Variants in ST6GAL2 observed in about 807,000 individuals in gnomAD.
ST6GAL2 encodes the protein ST6 beta-galactoside alpha-2,6-sialyltransferase 2.
In ST6GAL2, 24 loss-of-function variants were observed where a neutral mutation model predicts 37.5. The ratio of observed to expected loss-of-function variants is 0.64; its 90% CI spans 0.46 to 0.90. The LOEUF (loss-of-function observed/expected upper bound fraction) is 0.90. Ranked by LOEUF, ST6GAL2 falls within the 40% of genes least tolerant of loss-of-function variation. The pLI, the probability that ST6GAL2 is intolerant of heterozygous loss-of-function variation, is 0.00. For synonymous variants in ST6GAL2, 306 were observed against 295.1 expected, an observed-to-expected ratio of 1.04 and a Z score of -0.38; for missense variants, 715 against 712.7, an observed-to-expected ratio of 1.00 and a Z score of -0.04.
chr2:106,825,767 C>T (rs186417319), intron 5 of ST6GAL2, among the ~76,000 whole-genome samples: 9 of 152,278 alleles, frequency 5.9e-5, no homozygotes, highest in African/African-American at 1.9e-4. Context: ...TTATGTCTGT[C>T]CTGCAAATTT....
chr2:106,865,839 C>G (rs560640812), intron 1 of ST6GAL2, among the ~76,000 whole-genome samples: 1 of 152,166 alleles, frequency 6.6e-6, no homozygotes. Flanking sequence ...AGCCTTTTGG[C>G]TACTATGTTT....
chr2:106,859,993 C>T (rs1677734144), intron 1 of ST6GAL2, among the ~76,000 whole-genome samples: 1 of 152,090 alleles, frequency 6.6e-6, no homozygotes, highest in African/African-American at 2.4e-5. Flanking sequence ...CCTTGCTGCC[C>T]CTGAGTCAGC....
chr2:106,846,140 T>C (rs1288444590), intron 1 of ST6GAL2, among the ~76,000 whole-genome samples: 8 of 152,160 alleles, frequency 5.3e-5, no homozygotes, highest in African/African-American at 1.9e-4. Flanking sequence ...TGACTCCATC[T>C]CCAGCCAACA....
chr2:106,837,591 C>T (rs1288418771), intron 2 of ST6GAL2, among the ~76,000 whole-genome samples: 2 of 152,174 alleles, frequency 1.3e-5, no homozygotes, highest in Non-Finnish European at 1.5e-5. Flanking sequence ...GAGGTGACTG[C>T]AGGTGCTGGG....
At chr2:106,816,577 T>A (rs78268786) in intron 5 of ST6GAL2, among the ~76,000 whole-genome samples, 246 of 152,246 alleles carry the variant, frequency 1.6e-3, no homozygotes, top group African/African-American at 5.8e-3. Context: ...GAAAACAAGA[T>A]TTAAAAATAT....
intron 1 of ST6GAL2, among the ~76,000 whole-genome samples, chr2:106,879,212 G>A (rs149298263): frequency 6.6e-6 from 1 of 152,288 alleles, no homozygotes; most frequent in East Asian, 1.9e-4. Flanking sequence ...TTCTGTGTAT[G>A]TATCCAATGG....
intron 1 of ST6GAL2, among the ~76,000 whole-genome samples, chr2:106,866,647 A>G (rs4319925): frequency 6.6e-6 from 1 of 152,138 alleles, no homozygotes; most frequent in Admixed American, 6.6e-5. Context: ...AAGAAACACA[A>G]CCGACCAAGG....
At chr2:106,836,541 A>C (rs187440693) in intron 2 of ST6GAL2, among the ~76,000 whole-genome samples, 60 of 152,164 alleles carry the variant, frequency 3.9e-4, no homozygotes, top group South Asian at 3.5e-3. Context: ...TGATCAGCTG[A>C]AAACTATCAG....
chr2:106,879,761 G>C (rs1480306667), intron 1 of ST6GAL2, among the ~76,000 whole-genome samples: 1 of 145,838 alleles, frequency 6.9e-6, no homozygotes, highest in Non-Finnish European at 1.5e-5. Flanking sequence ...TATACATATA[G>C]ACCAACTATA....
intron 5 of ST6GAL2, among the ~76,000 whole-genome samples, chr2:106,829,128 G>A (rs1485263814): frequency 6.6e-6 from 1 of 152,190 alleles, no homozygotes; most frequent in Non-Finnish European, 1.5e-5. Flanking sequence ...CATGGCATAA[G>A]CTATGTGAAC....
rs549410674 is a variant in ST6GAL2 at position 106,805,330 on chromosome 2, G to A, written c.*1348C>T. The A allele has an allele frequency of 8.5e-5, 13 of 152,172 alleles. No homozygotes were observed. Among genetic ancestry groups the A allele is most frequent in the Non-Finnish European group, 1.9e-4 (13 of 68,030 alleles). 9.4% of individuals were successfully genotyped at this position (152,172 alleles called of 1,614,324 possible). A position where few individuals can be genotyped will look rare whatever the true frequency, so the allele number is the denominator to read the frequency against. On this transcript the variant is annotated 3_prime_UTR_variant, in exon 6 of 6. Transcript: ENST00000409382. ...TGAAATAATAGCATGTTTAATTAAG[G>A]TATTACAGAATGTTTCTGTTTCACT...
In ST6GAL2 at chr2:106,802,636, A is replaced by G. The variant is rs1253612122; in HGVS notation, c.*4042T>C. 2 of 152,226 alleles carry G rather than the reference A, an allele frequency of 1.3e-5. No individual in the cohort carries two copies. The highest frequency in any genetic ancestry group is 2.9e-5 in the Non-Finnish European group (2 of 68,040). The allele number at this position is 152,226 out of a possible 1,614,324, so 9.4% of individuals were successfully genotyped here. On this transcript the variant is annotated 3_prime_UTR_variant, in exon 6 of 6. Transcript: ENST00000409382. ...ACAAGTTGAAACTCAGGGACATTTTACCCAAGCAATTAATTTCCAGATGGA... is the reference window on the plus strand; with the variant it reads ...ACAAGTTGAAACTCAGGGACATTTTGCCCAAGCAATTAATTTCCAGATGGA...
Position 106,843,887 on chromosome 2 carries a change from T to C in ST6GAL2, c.91A>G (p.Thr31Ala), listed in dbSNP as rs760357607. The C allele has an allele frequency of 5.0e-6, 8 of 1,606,198 alleles. No individual in the cohort carries two copies. The highest frequency in any genetic ancestry group is 6.8e-6 in the Non-Finnish European group (8 of 1,179,194). The change falls in exon 2 of 6, where the codon ACC becomes GCC. Residue 31 changes from threonine to alanine, a missense_variant. By Grantham distance (58) the Thr-to-Ala change is moderately conservative. This residue lies in a region of ST6GAL2 where 512 missense variants were observed against 488.8 expected (regional missense o/e 1.05). Coordinates refer to ENST00000409382, the MANE Select transcript of ST6GAL2 (RefSeq NM_001142351.2). ...LLFLLIFIYF[T>A]DSNPAEPVPS... ...ACAGGCTCAGCGGGGTTGCTGTCGG[T>C]GAAGTAGATGAAAATCAGCAAAAAG...
intron 1 of ST6GAL2, among the ~76,000 whole-genome samples, chr2:106,854,734 A>G (rs184005165): frequency 8.7e-4 from 133 of 152,254 alleles, no homozygotes; most frequent in African/African-American, 3.1e-3. Flanking sequence ...CTGCCTAAAT[A>G]GTTGTGACTG....
rs899492241 is a variant in ST6GAL2, at chr2:106,806,483, A to T, written c.*195T>A. 14 of 639,628 alleles carry T rather than the reference A, an allele frequency of 2.2e-5. No homozygotes were observed. The highest frequency in any genetic ancestry group is 3.7e-5 in the African/African-American group (2 of 54,696). The allele number at this position is 639,628 out of a possible 1,614,324, so 39.6% of individuals were successfully genotyped here. On this transcript the variant is annotated 3_prime_UTR_variant, in exon 6 of 6. Coordinates refer to ENST00000409382, the MANE Select transcript of ST6GAL2 (RefSeq NM_001142351.2). ...CATCTTTCTTGAGCCTTATTTTTTT[A>T]AAAAAACCATTTCTATGTTCAAAGC...
At chr2:106,876,287 G>C (rs1016789291) in intron 1 of ST6GAL2, among the ~76,000 whole-genome samples, 1 of 152,066 alleles carries the variant, frequency 6.6e-6, no homozygotes, top group Non-Finnish European at 1.5e-5. Flanking sequence ...TGGTCTTCTG[G>C]TTATAGTCTA....
chr2:106,834,342 G>A (rs993905029), intron 2 of ST6GAL2, 196 bp from the exon 3 acceptor site: 7 of 534,344 alleles, frequency 1.3e-5, no homozygotes, highest in Middle Eastern at 5.1e-4. Context: ...CATCAATATG[G>A]ATATATATAG....
At position 106,806,810 on chromosome 2, in the gene ST6GAL2, G is replaced by C. The variant is rs931198893; in HGVS notation, c.1458C>G (p.Leu486=). Residue 486 remains leucine, a synonymous_variant, in exon 6 of 6, where the codon CTC becomes CTG. Coordinates refer to ENST00000409382, the MANE Select transcript of ST6GAL2 (RefSeq NM_001142351.2). ...GGCGCTGCACCAGGAGCTTCTCATA[G>C]AGTAGTGGGTGGTACGCCCCGAGGG... The part of the protein sequence containing the change: ...ACTLGAYHPL[L]YEKLLVQRLN... 5 of 1,614,196 alleles carry C rather than the reference G, an allele frequency of 3.1e-6. No homozygotes were observed. Among genetic ancestry groups the C allele is most frequent in the Non-Finnish European group, 4.2e-6 (5 of 1,180,036 alleles).
chr2:106,863,462 C>T (rs976119692), intron 1 of ST6GAL2, among the ~76,000 whole-genome samples: 1 of 151,996 alleles, frequency 6.6e-6, no homozygotes, highest in Admixed American at 6.6e-5. Context: ...ATCATTCCAA[C>T]GGGGTTCAAA....
Sources: gnomAD v4.1 joint callset for allele counts (sites outside exome capture counted in the v4.1 genomes callset) on GRCh38, gnomAD v4.1.1 for gene constraint, gnomAD v4.1.1 regional missense constraint, MANE v1.5 for transcripts, NCBI Gene and HGNC (gene_info 2026-07-23, HGNC 2026-07-21) for gene names.